BCL2L12: variants seen among roughly 807,000 people sequenced by gnomAD.
The protein encoded by BCL2L12 is BCL2 like 12.
Under a neutral mutation model 25.7 loss-of-function variants are expected in BCL2L12, and 27 were observed. The observed-to-expected ratio is 1.05, with a 90% CI of 0.78 to 1.45. The LOEUF is 1.45. Ranked by LOEUF, BCL2L12 falls within the 40% of genes most tolerant of loss-of-function variation. BCL2L12 has a pLI of 0.00. For synonymous variants in BCL2L12, 132 were observed against 145.6 expected (o/e 0.91, Z 0.67); for missense variants, 302 against 329.8 (o/e 0.92, Z 0.65).
rs564120529 is a variant in BCL2L12 at position 49,670,300 on chromosome 19, C to T, written c.514C>T (p.Arg172Trp). Residue 172 changes from arginine (R) to tryptophan (W), a missense_variant, in exon 6 of 7, where the codon CGG (arginine) becomes TGG (tryptophan). Transcript: ENST00000246784. Reference sequence around the variant, plus strand: ...CCGCCTGGTGGAGCTGTTCTGTAGCCGGGATGACAGCTCTCGCCCAAGCCG... The same window carrying T: ...CCGCCTGGTGGAGCTGTTCTGTAGCTGGGATGACAGCTCTCGCCCAAGCCG... ...FARLVELFCS[R>W]DDSSRPSRAC... 5 of 1,610,438 alleles carry T rather than the reference C, an allele frequency of 3.1e-6. No homozygotes were observed. Among genetic ancestry groups the T allele is most frequent in the African/African-American group, 1.3e-5 (1 of 74,962 alleles).
rs2081935055 is a variant in BCL2L12, at chr19:49,670,382, C to A, written c.596C>A (p.Ala199Asp). 7 of 1,574,724 alleles carry A rather than the reference C, an allele frequency of 4.4e-6. No individual in the cohort carries two copies. The highest frequency in any genetic ancestry group is 3.7e-5 in the Admixed American group (2 of 54,316). Residue 199 changes from alanine to aspartate, a missense_variant, in exon 6 of 7, where the codon GCC (alanine) becomes GAC (aspartate). By Grantham distance (126) the Ala-to-Asp change is moderately radical. Coordinates refer to ENST00000246784, the MANE Select transcript of BCL2L12 (RefSeq NM_138639.2). ...GAGCCCCTGGCCCGCCTGGCCCTAG[C>A]CATGGAGCTGAGCCGGCGCGTGGCC... is the stretch of plus-strand genomic sequence containing the variant. The part of the protein sequence containing the change: ...SPEPLARLAL[A>D]MELSRRVAGL...
At chr19:49,670,743 C>T (rs901618599) in intron 6 of BCL2L12, among the ~76,000 whole-genome samples, 51 of 152,274 alleles carry the variant, frequency 3.3e-4, no homozygotes, top group African/African-American at 8.9e-4. Flanking sequence ...AGAGGCCGGA[C>T]GGGGTAGCTC....
rs937393257 is a variant in BCL2L12 at position 49,672,814 on chromosome 19, A to G, written c.703-884A>G. On this transcript the variant is annotated intron_variant, in intron 6 of 6. Transcript: ENST00000246784. This position sits in a 1 kb window ranked among gnomAD's most constrained non-coding sequence, Gnocchi z 4.1. ...ACAGTAAGATCAGAACTCATAGCAC[A>G]TGTTGAGGGGAATGGATATAAGTGT... Among the ~76,000 whole-genome samples, 13 of 152,162 alleles carry G rather than the reference A, an allele frequency of 8.5e-5. No homozygotes were observed. Among genetic ancestry groups the G allele is most frequent in the African/African-American group, 2.9e-4 (12 of 41,418 alleles).
In BCL2L12 at chr19:49,670,412, T is replaced by C. The variant is rs1568478754; in HGVS notation, c.626T>C (p.Leu209Pro). 6.5e-7 allele frequency: 1 copy of C among 1,544,448 alleles called. No individual in the cohort carries two copies. Among genetic ancestry groups the C allele is most frequent in the Non-Finnish European group, 8.7e-7 (1 of 1,148,842 alleles). ...AMELSRRVAG[L>P]GGTLAGLSVE... ...GAGCTGAGCCGGCGCGTGGCCGGGC[T>C]GGGGGGCACCCTGGCCGGACTCAGC... is the stretch of plus-strand genomic sequence containing the variant. The change falls in exon 6 of 7, where the codon CTG becomes CCG. Residue 209 changes from leucine to proline, a missense_variant. By Grantham distance (98) the Leu-to-Pro change is moderately conservative. Transcript: ENST00000246784.
chr19:49,666,075 G>T lies in BCL2L12; in HGVS notation c.-9+8G>T. On this transcript the variant is annotated splice_region_variant and intron_variant, in intron 1 of 6. Transcript: ENST00000246784. ...GGTGGGGCCCCGGACCAGGTCAGCG[G>T]GGTGTTGACGAGGGGTGGGGTGAGG... 1 of 1,542,402 alleles carries T rather than the reference G, an allele frequency of 6.5e-7. No homozygotes were observed. The highest frequency in any genetic ancestry group is 1.2e-5 in the South Asian group (1 of 84,392).
In BCL2L12 at chr19:49,673,697, G is replaced by A. The variant is rs748325802; in HGVS notation, c.703-1G>A. 2.5e-6 allele frequency: 4 copies of A among 1,613,864 alleles called. No homozygotes were observed. Among genetic ancestry groups the A allele is most frequent in the Middle Eastern group, 1.6e-4 (1 of 6,062 alleles). On this transcript the variant is annotated splice_acceptor_variant, in intron 6 of 6. Coordinates refer to ENST00000246784, the MANE Select transcript of BCL2L12 (RefSeq NM_138639.2). LOFTEE classifies it high-confidence loss of function. The stretch of plus-strand genomic sequence containing the variant: ...AGGGCTCTGCCACTTTTCCCTTCCA[G>A]GAGGGCATCCTGGCTGTTTCACCCG...
chr19:49,665,802 T>G, upstream of BCL2L12: 1 of 1,576,350 alleles, frequency 6.3e-7, no homozygotes, highest in South Asian at 1.1e-5. Flanking sequence ...TATCATTCTT[T>G]GGGTAACAGA....
Position 49,670,332 on chromosome 19 carries a change from C to CT in BCL2L12, c.546_547insT (p.Pro183SerfsTer79). 2 of 1,601,672 alleles carry CT rather than the reference C, an allele frequency of 1.2e-6. No homozygotes were observed. The highest frequency in any genetic ancestry group is 8.5e-7 in the Non-Finnish European group (1 of 1,175,514). On this transcript the variant is annotated frameshift_variant, in exon 6 of 7. Transcript: ENST00000246784. LOFTEE classifies it high-confidence loss of function. ...ACAGCTCTCGCCCAAGCCGAGCATG[C>CT]CCCGGGCCCCCGCCTCCTTCCCCGG...
At chr19:49,665,666 A>AC (rs879559010), upstream of BCL2L12, 261 of 988,228 alleles carry the variant, frequency 2.6e-4, no homozygotes, top group East Asian at 7.0e-4. Context: ...GGCAGCTGGA[A>AC]CCCACCCCTG....
intron 5 of BCL2L12, among the ~76,000 whole-genome samples, chr19:49,669,369 C>G (rs2081901624): frequency 6.6e-6 from 1 of 151,958 alleles, no homozygotes; most frequent in Non-Finnish European, 1.5e-5. Flanking sequence ...AACCCCATCT[C>G]TACTAAAAAT....
At chr19:49,665,255 C>T (rs972651037), upstream of BCL2L12, 7 of 189,846 alleles carry the variant, frequency 3.7e-5, no homozygotes, top group Admixed American at 3.8e-4. Context: ...AGACCCCCTT[C>T]CACAGTCCCC....
chr19:49,671,594 C>T (rs1475336751), intron 6 of BCL2L12, among the ~76,000 whole-genome samples: 4 of 152,120 alleles, frequency 2.6e-5, no homozygotes, highest in South Asian at 2.1e-4. Context: ...GCTATGATTG[C>T]GCCACTGTAC....
chr19:49,667,976 C>T (rs944208611), intron 3 of BCL2L12, among the ~76,000 whole-genome samples: 1 of 152,046 alleles, frequency 6.6e-6, no homozygotes, highest in Non-Finnish European at 1.5e-5. Context: ...CACGGGGTTT[C>T]GCCACGTTGG....
Position 49,670,428 on chromosome 19 carries a change from C to A in BCL2L12, c.642C>A (p.Ala214=). ...TGGCCGGGCTGGGGGGCACCCTGGC[C>A]GGACTCAGCGTGGAGCACGTGCACA... ...RRVAGLGGTL[A]GLSVEHVHSF... Residue 214 remains alanine (A), a synonymous_variant, in exon 6 of 7, where the codon GCC becomes GCA. Coordinates refer to ENST00000246784, the MANE Select transcript of BCL2L12 (RefSeq NM_138639.2). 1.3e-6 allele frequency: 2 copies of A among 1,539,848 alleles called. No homozygotes were observed. The highest frequency in any genetic ancestry group is 1.7e-6 in the Non-Finnish European group (2 of 1,146,494).
intron 5 of BCL2L12, 43 bp downstream of exon 5, chr19:49,669,158 C>A (rs752704074): frequency 1.2e-6 from 2 of 1,604,440 alleles, no homozygotes; most frequent in South Asian, 2.2e-5. Context: ...ACAGGAGTTG[C>A]GGAATGGTGG....
At chr19:49,673,609 G>A (rs2082004418) in intron 6 of BCL2L12, 89 bp from the exon 7 acceptor site, 13 of 1,128,118 alleles carry the variant, frequency 1.2e-5, no homozygotes, top group South Asian at 6.2e-5. Context: ...TCGCCTTCCC[G>A]TCTCTAATCT....
At chr19:49,666,264 C>T (rs549045839) in intron 1 of BCL2L12, among the ~76,000 whole-genome samples, 197 bp downstream of exon 1, 33 of 152,342 alleles carry the variant, frequency 2.2e-4, no homozygotes, top group African/African-American at 7.2e-4. Context: ...GGAAGATTTG[C>T]CCTGAAACCT....
chr19:49,668,835 A>G lies in BCL2L12; in HGVS notation c.251-16A>G, dbSNP rs1419187342. On this transcript the variant is annotated splice_polypyrimidine_tract_variant and intron_variant, in intron 3 of 6. Transcript: ENST00000246784. ...CCAATGTCCTGGAAACCTGTCATTA[A>G]CTCTTTTCACCCCAGGCCCAGCTAC... 8 of 1,607,962 alleles carry G rather than the reference A, an allele frequency of 5.0e-6. No individual in the cohort carries two copies. The highest frequency in any genetic ancestry group is 6.8e-6 in the Non-Finnish European group (8 of 1,176,492).
intron 2 of BCL2L12, 56 bp downstream of exon 2, chr19:49,666,855 T>C: frequency 6.5e-7 from 1 of 1,527,092 alleles, no homozygotes; most frequent in Non-Finnish European, 8.9e-7. Context: ...CCCTCCTAAC[T>C]CTTGCTCCTG....
Sources: allele counts gnomAD v4.1 joint callset (sites outside exome capture counted in the v4.1 genomes callset), GRCh38; gene constraint gnomAD v4.1.1; non-coding constraint Gnocchi (gnomAD v3.1); transcripts MANE v1.5; gene names NCBI Gene and HGNC (gene_info 2026-07-23, HGNC 2026-07-21).